IRS4: variants seen among roughly 807,000 people sequenced by gnomAD.
IRS4 encodes insulin receptor substrate 4.
IRS4 carries 15 observed loss-of-function variants against 48.6 expected under a neutral mutation model. The observed-to-expected ratio is 0.31, with a 90% CI of 0.21 to 0.48. IRS4 has a LOEUF of 0.48. IRS4 is among the 20% of genes least tolerant of loss of function. The pLI is 0.99. For missense variants in IRS4, 987 were observed against 1,023.4 expected, an observed-to-expected ratio of 0.96 and a Z score of 0.49; for synonymous variants, 459 against 413.2, an observed-to-expected ratio of 1.11 and a Z score of -1.34.
In IRS4 at chrX:108,733,455, A is replaced by G; in HGVS notation, c.2890T>C (p.Phe964Leu). The G allele has an allele frequency of 8.3e-7, 1 of 1,211,141 alleles. No homozygotes were observed. The highest frequency in any genetic ancestry group is 1.1e-6 in the Non-Finnish European group (1 of 895,351). ...GCTGGATTTGGAAATGGCACTCCAA[A>G]CTCAACATTCACATAATTAGAAAAG... ...SAFSNYVNVE[F>L]GVPFPNPAND... The change falls in exon 1 of 2, where the codon TTT becomes CTT. Residue 964 changes from phenylalanine to leucine, a missense_variant. Around this residue, in one of 4 missense-constraint regions of IRS4, gnomAD observed 720 missense variants for 660.3 expected, o/e 1.09. Transcript: ENST00000372129.
Position 108,733,199 on chromosome X carries a change from T to C in IRS4, c.3146A>G (p.Asp1049Gly). The change falls in exon 1 of 2, where the codon GAC becomes GGC. Residue 1049 changes from aspartate (D) to glycine (G), a missense_variant. Asp to Gly is a moderately conservative substitution (Grantham distance 94, BLOSUM62 -1). Around this residue, in one of 4 missense-constraint regions of IRS4, gnomAD observed 720 missense variants for 660.3 expected, o/e 1.09. Transcript: ENST00000372129. Reference sequence around the variant, plus strand: ...ATCCATACAGCACTCAGAAAATGGGTCGACCACATAGATTCGACCTGTTTC... The same window carrying C: ...ATCCATACAGCACTCAGAAAATGGGCCGACCACATAGATTCGACCTGTTTC... ...DAETGRIYVV[D>G]PFSECCMDIS... is the part of the protein sequence containing the mutation. 8.3e-7 allele frequency: 1 copy of C among 1,210,906 alleles called. No homozygotes were observed. The highest frequency in any genetic ancestry group is 1.1e-6 in the Non-Finnish European group (1 of 895,173).
In IRS4 at chrX:108,725,587, G is replaced by GT. The variant is rs776252044; in HGVS notation, c.3767-3065dup. Among the ~76,000 whole-genome samples the GT allele has an allele frequency of 3.5e-3, 380 of 109,385 alleles. 2 individuals carry two copies. The highest frequency in any genetic ancestry group is 0.011 in the African/African-American group (331 of 29,946). The allele number at this position is 109,385 out of a possible 115,157, so 95.0% of individuals were successfully genotyped here. A position where few individuals can be genotyped will look rare whatever the true frequency, so the allele number is the denominator to read the frequency against. ...CTCTGGAGTATATGTAGGTTTTTTTGTTTTTTCTCAATAAGAAAGGATCAT... is the reference window on the plus strand; with the variant it reads ...CTCTGGAGTATATGTAGGTTTTTTTGTTTTTTTCTCAATAAGAAAGGATCAT... On this transcript the variant is annotated intron_variant, in intron 1 of 1. Transcript: ENST00000372129.
chrX:108,725,109 C>A (rs987968759), intron 1 of IRS4, among the ~76,000 whole-genome samples: 4 of 111,036 alleles, frequency 3.6e-5, no homozygotes, highest in African/African-American at 1.3e-4. Context: ...ACTTCAATAT[C>A]CCTGGAAATT....
Position 108,733,627 on chromosome X carries a change from T to C in IRS4, c.2718A>G (p.Gln906=). Residue 906 remains glutamine (Q), a synonymous_variant, in exon 1 of 2, where the codon CAA becomes CAG. Coordinates refer to ENST00000372129, the MANE Select transcript of IRS4 (RefSeq NM_001379150.1). ...TKGYKIKPKP[Q]KPTHEQREAD... is the part of the protein sequence containing the mutation. The stretch of plus-strand genomic sequence containing the variant: ...CTTCTCTCTGCTCATGTGTGGGCTT[T>C]TGTGGTTTTGGCTTGATTTTATATC... The C allele has an allele frequency of 1.7e-6, 2 of 1,211,740 alleles. No homozygotes were observed. The highest frequency in any genetic ancestry group is 2.2e-6 in the Non-Finnish European group (2 of 895,521).
Position 108,734,529 on chromosome X carries a change from G to C in IRS4, c.1816C>G (p.Arg606Gly), listed in dbSNP as rs1162876168. 1 of 1,209,180 alleles carries C rather than the reference G, an allele frequency of 8.3e-7. No homozygotes were observed. Among genetic ancestry groups the C allele is most frequent in the East Asian group, 3.0e-5 (1 of 33,731 alleles). ...SGKGSDGDGE[R>G]GKSLKKRSYF... ...GATCTTTTCTTCAGAGATTTTCCAC[G>C]TTCACCATCACCATCGGATCCTTTC... Residue 606 changes from arginine to glycine, a missense_variant, in exon 1 of 2, where the codon CGT (arginine) becomes GGT (glycine). By Grantham distance (125) the Arg-to-Gly change is moderately radical. Transcript: ENST00000372129.
intron 1 of IRS4, among the ~76,000 whole-genome samples, chrX:108,730,442 C>T (rs2068896413): frequency 1.8e-5 from 2 of 108,462 alleles, no homozygotes; most frequent in Non-Finnish European, 3.8e-5. Flanking sequence ...TCAGTTTAAA[C>T]TGCCGAAATT....
In IRS4 at chrX:108,735,934, C is replaced by T; in HGVS notation, c.411G>A (p.Ala137=). 1 of 1,208,339 alleles carries T rather than the reference C, an allele frequency of 8.3e-7. No homozygotes were observed. The highest frequency in any genetic ancestry group is 1.8e-5 in the South Asian group (1 of 56,920). ...AAAAAAASGA[A]IPPLIPPRRV... is the part of the protein sequence containing the mutation. ...GCCGCGGTGGAATGAGCGGGGGGAT[C>T]GCGGCGCCAGAGGCGGCCGCCGCTG... Residue 137 remains alanine, a synonymous_variant, in exon 1 of 2, where the codon GCG becomes GCA. Transcript: ENST00000372129.
intron 1 of IRS4, chrX:108,726,351 G>T (rs747252237): frequency 1.8e-5 from 2 of 111,729 alleles, no homozygotes; most frequent in South Asian, 7.6e-4. Context: ...ATGTCTTCCA[G>T]CCATGGCAAT....
At chrX:108,728,160 T>C (rs2068883735) in intron 1 of IRS4, among the ~76,000 whole-genome samples, 1 of 112,063 alleles carries the variant, frequency 8.9e-6, no homozygotes, top group Non-Finnish European at 1.9e-5. Context: ...ACATACACTA[T>C]TTGTGTTTGG....
At chrX:108,731,763 C>T (rs1013095430) in intron 1 of IRS4, among the ~76,000 whole-genome samples, 6 of 111,598 alleles carry the variant, frequency 5.4e-5, no homozygotes, top group African/African-American at 1.6e-4. Context: ...TATTCATATC[C>T]ATTCTCAAGT....
chrX:108,729,985 G>A (rs1271324768), intron 1 of IRS4, among the ~76,000 whole-genome samples: 1 of 111,627 alleles, frequency 9.0e-6, no homozygotes, highest in Non-Finnish European at 1.9e-5. Flanking sequence ...CTTACTATAT[G>A]CCAGGCACTG....
Position 108,733,056 on chromosome X carries a change from T to C in IRS4, c.3289A>G (p.Arg1097Gly), listed in dbSNP as rs1248180102. The change falls in exon 1 of 2, where the codon AGA (arginine) becomes GGA (glycine). Residue 1097 changes from arginine (R) to glycine (G), a missense_variant. Physicochemically the swap from Arg to Gly is moderately radical, Grantham distance 125. This residue lies in a region of IRS4 where 720 missense variants were observed against 660.3 expected (regional missense o/e 1.09). Coordinates refer to ENST00000372129, the MANE Select transcript of IRS4 (RefSeq NM_001379150.1). ...GTTGGAAAAGCAGAGACAGCGGCTC[T>C]GGCTGCTGCAAAGAAACTTTGAGAA... is the stretch of plus-strand genomic sequence containing the variant. ...SRSQSFFAAA[R>G]AAVSAFPTDS... The C allele has an allele frequency of 1.7e-6, 2 of 1,211,958 alleles. No individual in the cohort carries two copies. Among genetic ancestry groups the C allele is most frequent in the Admixed American group, 2.2e-5 (1 of 46,096 alleles).
At chrX:108,728,790 CA>C (rs942449312) in intron 1 of IRS4, among the ~76,000 whole-genome samples, 11 of 111,645 alleles carry the variant, frequency 9.9e-5, no homozygotes, top group Non-Finnish European at 1.9e-4. Flanking sequence ...AGTTTGTTCC[CA>C]AAACAGGGGA....
Position 108,736,458 on chromosome X carries a change from G to T in IRS4, c.-114C>A, listed in dbSNP as rs905340462. On this transcript the variant is annotated 5_prime_UTR_variant, in exon 1 of 2. Transcript: ENST00000372129. The stretch of plus-strand genomic sequence containing the variant: ...GCCCGCCCCAGCCCCCTCCTGCCTT[G>T]GCCCGCGCCCCCGCCCACTCCACTC... 9.0e-7 allele frequency: 1 copy of T among 1,109,963 alleles called. No homozygotes were observed. The highest frequency in any genetic ancestry group is 2.1e-5 in the South Asian group (1 of 48,457). 91.5% of individuals were successfully genotyped at this position (1,109,963 alleles called of 1,213,427 possible). A position where few individuals can be genotyped will look rare whatever the true frequency, so the allele number is the denominator to read the frequency against.
chrX:108,735,871 C>T lies in IRS4; in HGVS notation c.474G>A (p.Gln158=). The T allele has an allele frequency of 8.3e-7, 1 of 1,210,127 alleles. No homozygotes were observed. Reference sequence around the variant, plus strand: ...GGTGTCGGTACCTTGCATCTGCTCGCTGGCTCACGGAAAAGCACTGGTATA... The same window carrying T: ...GGTGTCGGTACCTTGCATCTGCTCGTTGGCTCACGGAAAAGCACTGGTATA... ...ITLYQCFSVS[Q]RADARYRHLI... The change falls in exon 1 of 2, where the codon CAG becomes CAA. Residue 158 remains glutamine, a synonymous_variant. Coordinates refer to ENST00000372129, the MANE Select transcript of IRS4 (RefSeq NM_001379150.1).
At chrX:108,731,566 C>G (rs1380861307) in intron 1 of IRS4, among the ~76,000 whole-genome samples, 1 of 111,466 alleles carries the variant, frequency 9.0e-6, no homozygotes, top group Non-Finnish European at 1.9e-5. Flanking sequence ...AGTCTTGTTT[C>G]CAAGTCTGAC....
At chrX:108,730,325 CCACCCCCG>C (rs1415878744) in intron 1 of IRS4, among the ~76,000 whole-genome samples, 1 of 102,881 alleles carries the variant, frequency 9.7e-6, no homozygotes, top group Non-Finnish European at 2.0e-5. Context: ...ACCACCACCC[CCACCCCCG>C]CACCCCCCCG....
intron 1 of IRS4, among the ~76,000 whole-genome samples, chrX:108,730,447 G>A (rs1020242371): frequency 9.1e-6 from 1 of 109,506 alleles, no homozygotes; most frequent in Non-Finnish European, 1.9e-5. Context: ...TTAAACTGCC[G>A]AAATTTCACT....
At chrX:108,730,918 G>A (rs898013664) in intron 1 of IRS4, among the ~76,000 whole-genome samples, 3 of 111,491 alleles carry the variant, frequency 2.7e-5, no homozygotes, top group African/African-American at 6.5e-5. Context: ...CAATTTTCAG[G>A]TATATTCTAC....
Sources: gnomAD v4.1 joint callset for allele counts (sites outside exome capture counted in the v4.1 genomes callset) on GRCh38, gnomAD v4.1.1 for gene constraint, gnomAD v4.1.1 regional missense constraint, MANE v1.5 for transcripts, NCBI Gene and HGNC (gene_info 2026-07-23, HGNC 2026-07-21) for gene names.